FUT8: variants seen among roughly 807,000 people sequenced by gnomAD.
FUT8 encodes alpha-(1,6)-fucosyltransferase.
In FUT8, 29 loss-of-function variants were observed where a neutral mutation model predicts 71.3. The observed-to-expected ratio is 0.41, with a 90% CI of 0.30 to 0.55. The LOEUF is 0.55. Ranked by LOEUF, FUT8 falls within the 20% of genes least tolerant of loss-of-function variation. The pLI, the probability that FUT8 is intolerant of heterozygous loss-of-function variation, is 0.34. For missense variants in FUT8, 544 were observed against 702.1 expected (o/e 0.77, Z 2.55); for synonymous variants, 254 against 239.3 (o/e 1.06, Z -0.57).
At chr14:65,506,301 A>G (rs2066732897) in intron 2 of FUT8, among the ~76,000 whole-genome samples, 1 of 152,228 alleles carries the variant, frequency 6.6e-6, no homozygotes, top group Non-Finnish European at 1.5e-5. Context: ...GCCATTTTTC[A>G]GTGTGATTTG....
chr14:65,471,452 A>G (rs989848853), intron 2 of FUT8, among the ~76,000 whole-genome samples: 3 of 151,728 alleles, frequency 2.0e-5, no homozygotes, highest in African/African-American at 7.3e-5. Flanking sequence ...TTTTTTTCAG[A>G]TCTTTACCAT....
intron 2 of FUT8, among the ~76,000 whole-genome samples, chr14:65,547,161 G>T (rs1885029195): frequency 6.6e-6 from 1 of 150,956 alleles, no homozygotes; most frequent in African/African-American, 2.4e-5. Flanking sequence ...CCAACTGGAA[G>T]ATTTTTAATT....
intron 7 of FUT8, among the ~76,000 whole-genome samples, chr14:65,690,791 C>T (rs1323245659): frequency 6.6e-6 from 1 of 150,734 alleles, no homozygotes; most frequent in Non-Finnish European, 1.5e-5. Flanking sequence ...GTGGCGTGAT[C>T]TTGGCTCACT....
the FUT8 span, among the ~76,000 whole-genome samples, chr14:65,398,349 AAGAC>A: frequency 1.2e-4 from 19 of 152,182 alleles, no homozygotes; most frequent in African/African-American, 4.3e-4. Context: ...TTAGAAGACC[AAGAC>A]AGTACCAACA....
At chr14:65,688,264 C>T (rs1893397910) in intron 7 of FUT8, among the ~76,000 whole-genome samples, 1 of 152,056 alleles carries the variant, frequency 6.6e-6, no homozygotes, top group South Asian at 2.1e-4. Context: ...CCTGCCTTGC[C>T]CCTTAACCCC....
At chr14:65,564,561 C>G (rs1161378518) in intron 3 of FUT8, among the ~76,000 whole-genome samples, 1 of 151,888 alleles carries the variant, frequency 6.6e-6, no homozygotes, top group African/African-American at 2.4e-5. Flanking sequence ...ACATAAAATT[C>G]ACTTCCTTTA....
chr14:65,411,704 T>C (rs1595335049), upstream of FUT8: 1 of 272,832 alleles, frequency 3.7e-6, no homozygotes, highest in Non-Finnish European at 7.2e-6. Context: ...ACCATTTCGC[T>C]CTCCCACCGT....
rs1890970398 is a variant in FUT8 at position 65,643,685 on chromosome 14, C to T, written c.597+14079C>T. Reference sequence around the variant, plus strand: ...AAAAATACACACACACACACACACACACACACACACACACACACACACACA... The same window carrying T: ...AAAAATACACACACACACACACACATACACACACACACACACACACACACA... On this transcript the variant is annotated intron_variant, in intron 6 of 10. Transcript: ENST00000673929. This position sits in a 1 kb window ranked among gnomAD's most constrained non-coding sequence, Gnocchi z 4.5. Among the ~76,000 whole-genome samples, 1 of 144,232 alleles carries T rather than the reference C, an allele frequency of 6.9e-6. No individual in the cohort carries two copies. The highest frequency in any genetic ancestry group is 2.1e-4 in the South Asian group (1 of 4,670). The allele number at this position is 144,232 out of a possible 152,430, so 94.6% of individuals were successfully genotyped here.
At chr14:65,658,147 A>G (rs1209833799) in intron 6 of FUT8, among the ~76,000 whole-genome samples, 1 of 152,140 alleles carries the variant, frequency 6.6e-6, no homozygotes, top group Middle Eastern at 3.2e-3. Flanking sequence ...GAAAATAGGC[A>G]AAAGTCTTGT....
chr14:65,648,039 A>G (rs1891195166), intron 6 of FUT8, among the ~76,000 whole-genome samples: 1 of 152,232 alleles, frequency 6.6e-6, no homozygotes, highest in African/African-American at 2.4e-5. Flanking sequence ...GGCCTAGACC[A>G]GAGGTCAGCA....
At chr14:65,465,097 A>G (rs1834662452) in intron 2 of FUT8, among the ~76,000 whole-genome samples, 3 of 152,260 alleles carry the variant, frequency 2.0e-5, no homozygotes, top group Admixed American at 6.5e-5. Flanking sequence ...TAAGTTATCA[A>G]ATTTAAGGGC....
At chr14:65,430,489 A>C (rs2065456539) in intron 1 of FUT8, among the ~76,000 whole-genome samples, 1 of 152,222 alleles carries the variant, frequency 6.6e-6, no homozygotes, top group South Asian at 2.1e-4. Context: ...AAAATATTAA[A>C]GATCATCGTT....
intron 2 of FUT8, among the ~76,000 whole-genome samples, chr14:65,538,814 G>A (rs1044530599): frequency 9.2e-5 from 14 of 152,166 alleles, no homozygotes; most frequent in African/African-American, 3.4e-4. Flanking sequence ...CAGCTACTCA[G>A]GAGGCTGAGG....
the FUT8 span, among the ~76,000 whole-genome samples, chr14:65,387,816 A>G: frequency 9.2e-5 from 14 of 152,284 alleles, no homozygotes; most frequent in East Asian, 2.3e-3. Context: ...TGTATATTTT[A>G]TCTCATTTTC....
chr14:65,443,653 G>A (rs1460706619), intron 1 of FUT8, among the ~76,000 whole-genome samples: 6 of 151,434 alleles, frequency 4.0e-5, no homozygotes, highest in Non-Finnish European at 7.4e-5. Context: ...CCAGGAGGTT[G>A]AGGCTGCAGT....
Position 65,594,302 on chromosome 14 carries a change from C to T in FUT8, c.204-21676C>T, listed in dbSNP as rs1952605. On this transcript the variant is annotated intron_variant, in intron 3 of 10. Coordinates refer to ENST00000673929, the MANE Select transcript of FUT8 (RefSeq NM_001371533.1). ...CTTTGGTCTGCCTGGCTCCACCCCTCGCAGGAGGGAGCATGCAAGTGAGTG... is the reference window on the plus strand; with the variant it reads ...CTTTGGTCTGCCTGGCTCCACCCCTTGCAGGAGGGAGCATGCAAGTGAGTG... Among the ~76,000 whole-genome samples the T allele has an allele frequency of 5.8e-3, 876 of 152,272 alleles. 31 individuals are homozygous for T. In the East Asian group the frequency reaches 0.093, roughly 16 times the overall value.
intron 2 of FUT8, among the ~76,000 whole-genome samples, chr14:65,536,917 C>A (rs1884350903): frequency 6.6e-6 from 1 of 151,702 alleles, no homozygotes; most frequent in South Asian, 2.1e-4. Flanking sequence ...TTTACATAAT[C>A]CCATATTTCC....
At chr14:65,647,051 C>T (rs532043223) in intron 6 of FUT8, among the ~76,000 whole-genome samples, 26 of 152,272 alleles carry the variant, frequency 1.7e-4, no homozygotes, top group African/African-American at 5.8e-4. Context: ...ATGTGATTTG[C>T]ATAGCTTGTA....
intron 2 of FUT8, among the ~76,000 whole-genome samples, chr14:65,528,145 AG>A (rs1307319313): frequency 6.6e-6 from 1 of 152,250 alleles, no homozygotes. Flanking sequence ...CTGTCCACAG[AG>A]GTGGAGTCTG....
Sources: gnomAD v4.1 joint callset for allele counts (sites outside exome capture counted in the v4.1 genomes callset) on GRCh38, gnomAD v4.1.1 for gene constraint, Gnocchi (gnomAD v3.1) non-coding constraint, MANE v1.5 for transcripts, NCBI Gene and HGNC (gene_info 2026-07-23, HGNC 2026-07-21) for gene names.